GRIA4: variants seen among roughly 807,000 people sequenced by gnomAD.
The protein encoded by GRIA4 is glutamate ionotropic receptor AMPA type subunit 4.
Under a neutral mutation model 104.0 loss-of-function variants are expected in GRIA4, and 34 were observed. The observed-to-expected ratio is 0.33, with a 90% CI of 0.25 to 0.44. The LOEUF (loss-of-function observed/expected upper bound fraction) is 0.44, where lower values mean the gene tolerates loss of function less well. Among genes scored for constraint, GRIA4 ranks in the 20% least tolerant of loss-of-function variants. The pLI is 1.00. For missense variants in GRIA4, 750 were observed against 1,096.5 expected (o/e 0.68, Z 4.46); for synonymous variants, 386 against 381.9 (o/e 1.01, Z -0.13).
intron 4 of GRIA4, among the ~76,000 whole-genome samples, chr11:105,758,926 G>A (rs1260170331): frequency 6.6e-6 from 1 of 152,084 alleles, no homozygotes; most frequent in Non-Finnish European, 1.5e-5. Context: ...CTATAGCACA[G>A]ATGTTGTCAG....
At chr11:105,735,865 G>C (rs1193537379) in intron 3 of GRIA4, among the ~76,000 whole-genome samples, 1 of 152,056 alleles carries the variant, frequency 6.6e-6, no homozygotes, top group African/African-American at 2.4e-5. Flanking sequence ...ACAATAAACA[G>C]CTCAAATTTA....
At chr11:105,863,391 A>AATAT (rs148725532) in intron 5 of GRIA4, among the ~76,000 whole-genome samples, 26,988 of 148,734 alleles carry the variant, frequency 0.18, 4,369 homozygotes, top group African/African-American at 0.44. Context: ...GAAAAAGCTA[A>AATAT]ATATATATAT....
intron 3 of GRIA4, among the ~76,000 whole-genome samples, chr11:105,668,240 T>TACTATATA (rs11378146): frequency 5.6e-3 from 2 of 356 alleles, no homozygotes; most frequent in South Asian, 0.25. Flanking sequence ...TATATATATA[T>TACTATATA]ATATATACTA....
At chr11:105,793,449 C>T (rs574424432) in intron 4 of GRIA4, among the ~76,000 whole-genome samples, 1 of 152,116 alleles carries the variant, frequency 6.6e-6, no homozygotes, top group African/African-American at 2.4e-5. Flanking sequence ...CATAGAATCC[C>T]ACAGCAGGGA....
chr11:105,621,995 G>A lies in GRIA4; in HGVS notation c.247+9561G>A, dbSNP rs190164649. On this transcript the variant is annotated intron_variant, in intron 3 of 16. Coordinates refer to ENST00000282499, the MANE Select transcript of GRIA4 (RefSeq NM_000829.4). ...ATCAGATCTGTGTACTTCTTTCTCT[G>A]TTTTTTTCCTTTACAAATGTTTTCT... Among the ~76,000 whole-genome samples the A allele has an allele frequency of 7.3e-3, 1,093 of 150,614 alleles. 11 individuals are homozygous for A. Among genetic ancestry groups the A allele is most frequent in the African/African-American group, 0.025 (1,031 of 41,076 alleles).
At chr11:105,904,489 A>T (rs187292983) in intron 8 of GRIA4, among the ~76,000 whole-genome samples, 3 of 152,322 alleles carry the variant, frequency 2.0e-5, no homozygotes, top group Admixed American at 2.0e-4. Flanking sequence ...GGGTTCAGGA[A>T]GTATAAGCCC....
At chr11:105,675,481 C>T (rs979190753) in intron 3 of GRIA4, among the ~76,000 whole-genome samples, 1 of 151,766 alleles carries the variant, frequency 6.6e-6, no homozygotes, top group African/African-American at 2.4e-5. Context: ...TCCTCTCTTG[C>T]TTAAATTTTA....
chr11:105,693,779 C>G (rs1300327959), intron 3 of GRIA4, among the ~76,000 whole-genome samples: 1 of 152,136 alleles, frequency 6.6e-6, no homozygotes, highest in Non-Finnish European at 1.5e-5. Context: ...GCACAGAGAT[C>G]AGAAAATTAC....
rs373564678 is a variant in GRIA4 at position 105,688,156 on chromosome 11, C to CTATATCTATCTA, written c.248-64824_248-64823insATATCTATCTAT. Among the ~76,000 whole-genome samples the CTATATCTATCTA allele has an allele frequency of 4.4e-3, 320 of 72,766 alleles. 1 individual carries two copies. Among genetic ancestry groups the CTATATCTATCTA allele is most frequent in the South Asian group, 8.7e-3 (17 of 1,952 alleles). 47.7% of individuals were successfully genotyped at this position (72,766 alleles called of 152,430 possible). The stretch of plus-strand genomic sequence containing the variant: ...TCTATATCTATATCTATATCTATAT[C>CTATATCTATCTA]TCTATCTATCTATCTATCTATCTAT... On this transcript the variant is annotated intron_variant, in intron 3 of 16. Coordinates refer to ENST00000282499, the MANE Select transcript of GRIA4 (RefSeq NM_000829.4).
intron 14 of GRIA4, among the ~76,000 whole-genome samples, chr11:105,948,607 T>G (rs1343864594): frequency 1.4e-5 from 2 of 141,660 alleles, no homozygotes; most frequent in Admixed American, 7.1e-5. Context: ...TTTTTTTTTT[T>G]TTTTTTTTGA....
intron 15 of GRIA4, 107 bp from the exon 16 acceptor site, chr11:105,974,203 G>T: frequency 1.9e-6 from 2 of 1,062,672 alleles, no homozygotes; most frequent in Non-Finnish European, 2.8e-6. Flanking sequence ...AATCATTTCA[G>T]GTTAAATTAA....
rs745729280 is a variant in GRIA4 at position 105,914,458 on chromosome 11, C to T, written c.1269+3913C>T. ...AGCCTTTCTAATAAATATTTTGTTTCGATAGTTCCACTTTTGCTAAATGCA... is the reference window on the plus strand; with the variant it reads ...AGCCTTTCTAATAAATATTTTGTTTTGATAGTTCCACTTTTGCTAAATGCA... On this transcript the variant is annotated intron_variant, in intron 10 of 16. Coordinates refer to ENST00000282499, the MANE Select transcript of GRIA4 (RefSeq NM_000829.4). Among the ~76,000 whole-genome samples the T allele has an allele frequency of 2.6e-5, 4 of 152,026 alleles. No individual in the cohort carries two copies. The East Asian group carries it at 7.7e-4, about 29-fold the overall frequency.
At chr11:105,750,408 G>A (rs1939930080) in intron 3 of GRIA4, among the ~76,000 whole-genome samples, 1 of 152,034 alleles carries the variant, frequency 6.6e-6, no homozygotes, top group Non-Finnish European at 1.5e-5. Context: ...GCGAGTGACA[G>A]AATACATCAG....
intron 4 of GRIA4, among the ~76,000 whole-genome samples, chr11:105,756,130 A>T (rs1462278962): frequency 6.6e-6 from 1 of 152,180 alleles, no homozygotes. Flanking sequence ...AAAAACCCTT[A>T]AACCCTAATT....
At chr11:105,897,183 A>G (rs1473089449) in intron 6 of GRIA4, among the ~76,000 whole-genome samples, 1 of 151,974 alleles carries the variant, frequency 6.6e-6, no homozygotes, top group African/African-American at 2.4e-5. Flanking sequence ...AATTTTAAAT[A>G]TGATTGAGTT....
chr11:105,781,967 A>G (rs969692176), intron 4 of GRIA4, among the ~76,000 whole-genome samples: 2 of 152,178 alleles, frequency 1.3e-5, no homozygotes, highest in African/African-American at 4.8e-5. Context: ...TTGTAAAATA[A>G]ACAAATCTGA....
At chr11:105,635,841 T>A (rs866621134) in intron 3 of GRIA4, among the ~76,000 whole-genome samples, 3 of 152,198 alleles carry the variant, frequency 2.0e-5, no homozygotes, top group Non-Finnish European at 4.4e-5. Flanking sequence ...ACCTCATATA[T>A]TTTAACTGTT....
intron 14 of GRIA4, among the ~76,000 whole-genome samples, chr11:105,955,868 G>C (rs947906847): frequency 1.6e-4 from 25 of 152,138 alleles, no homozygotes; most frequent in Admixed American, 9.8e-4. Context: ...TTTCTCTAAT[G>C]ATCAATTATG....
intron 4 of GRIA4, among the ~76,000 whole-genome samples, chr11:105,842,337 A>G (rs1452499741): frequency 6.6e-6 from 1 of 152,146 alleles, no homozygotes; most frequent in African/African-American, 2.4e-5. Flanking sequence ...GTACCAGGAT[A>G]TGACTTTAAA....
Sources: allele counts gnomAD v4.1 joint callset (sites outside exome capture counted in the v4.1 genomes callset), GRCh38; gene constraint gnomAD v4.1.1; transcripts MANE v1.5; gene names NCBI Gene and HGNC (gene_info 2026-07-23, HGNC 2026-07-21).